Variants in DYRK2 observed in about 807,000 individuals in gnomAD.
DYRK2 encodes dual specificity tyrosine phosphorylation regulated kinase 2.
In DYRK2, 12 loss-of-function variants were observed where a neutral mutation model predicts 41.6. The ratio of observed to expected loss-of-function variants is 0.29; its 90% CI spans 0.18 to 0.47. The LOEUF (loss-of-function observed/expected upper bound fraction) is 0.47. Among genes scored for constraint, DYRK2 ranks in the 20% least tolerant of loss-of-function variants. DYRK2 has a pLI of 1.00. For missense variants in DYRK2, 678 were observed against 798.4 expected, an observed-to-expected ratio of 0.85 and a Z score of 1.82; for synonymous variants, 322 against 315.7, an observed-to-expected ratio of 1.02 and a Z score of -0.21.
chr12:67,659,005 C>G lies in DYRK2; in HGVS notation c.*292C>G. 1 of 274,366 alleles carries G rather than the reference C, an allele frequency of 3.6e-6. No homozygotes were observed. The highest frequency in any genetic ancestry group is 9.4e-5 in the South Asian group (1 of 10,686). The allele number at this position is 274,366 out of a possible 1,614,324, so 17.0% of individuals were successfully genotyped here. A position where few individuals can be genotyped will look rare whatever the true frequency, so the allele number is the denominator to read the frequency against. On this transcript the variant is annotated 3_prime_UTR_variant, in exon 3 of 3. Coordinates refer to ENST00000344096, the MANE Select transcript of DYRK2 (RefSeq NM_006482.3). Reference sequence around the variant, plus strand: ...AACATCAGTGGCAGGCCACTGATTACTTCATGACTGCCACGCATTTACAGA... The same window carrying G: ...AACATCAGTGGCAGGCCACTGATTAGTTCATGACTGCCACGCATTTACAGA...
At chr12:67,656,265 A>G (rs1270757317) in intron 2 of DYRK2, among the ~76,000 whole-genome samples, 3 of 152,214 alleles carry the variant, frequency 2.0e-5, no homozygotes, top group Non-Finnish European at 4.4e-5. Flanking sequence ...GATGGCATGC[A>G]TACCTGAAAC....
chr12:67,652,013 G>C lies in DYRK2; in HGVS notation c.198+2068G>C, dbSNP rs140932383. Among the ~76,000 whole-genome samples the C allele has an allele frequency of 2.1e-3, 319 of 152,120 alleles. 3 individuals carry two copies. Among genetic ancestry groups the C allele is most frequent in the African/African-American group, 7.3e-3 (304 of 41,492 alleles). ...TATAAATTTTTAGTTATTATTTCCA[G>C]AGTAATTACACCTAGGAAGAACTTC... is the stretch of plus-strand genomic sequence containing the variant. On this transcript the variant is annotated intron_variant, in intron 2 of 2. Coordinates refer to ENST00000344096, the MANE Select transcript of DYRK2 (RefSeq NM_006482.3).
rs562363674 is a variant in DYRK2, at chr12:67,662,492, C to T, written c.*3779C>T. 1 of 166,816 alleles carries T rather than the reference C, an allele frequency of 6.0e-6. No homozygotes were observed. The highest frequency in any genetic ancestry group is 6.5e-5 in the Admixed American group (1 of 15,278). 10.3% of individuals were successfully genotyped at this position (166,816 alleles called of 1,614,324 possible). ...AAAAATTTCTGTGAGATGCTGCTGTCGCCACTTAACATTAAATATGTTCTA... is the reference window on the plus strand; with the variant it reads ...AAAAATTTCTGTGAGATGCTGCTGTTGCCACTTAACATTAAATATGTTCTA... On this transcript the variant is annotated 3_prime_UTR_variant, in exon 3 of 3. Coordinates refer to ENST00000344096, the MANE Select transcript of DYRK2 (RefSeq NM_006482.3).
rs773029886 is a variant in DYRK2 at position 67,663,251 on chromosome 12, A to G, written c.*4538A>G. The G allele has an allele frequency of 2.0e-5, 3 of 152,198 alleles. No homozygotes were observed. The highest frequency in any genetic ancestry group is 2.1e-4 in the South Asian group (1 of 4,818). The allele number at this position is 152,198 out of a possible 1,614,324, so 9.4% of individuals were successfully genotyped here. ...CAGAAAATAAGGCCTAGGAACTGCA[A>G]TTAGCTCATGATTTGTCAAGTTCAG... On this transcript the variant is annotated 3_prime_UTR_variant, in exon 3 of 3. Transcript: ENST00000344096.
Position 67,665,207 on chromosome 12 carries a change from C to G in DYRK2, c.*6494C>G, listed in dbSNP as rs905021808. 9.2e-5 allele frequency: 14 copies of G among 152,088 alleles called. No homozygotes were observed. The highest frequency in any genetic ancestry group is 3.1e-4 in the African/African-American group (13 of 41,398). The allele number at this position is 152,088 out of a possible 1,614,324, so 9.4% of individuals were successfully genotyped here. A position where few individuals can be genotyped will look rare whatever the true frequency, so the allele number is the denominator to read the frequency against. ...CTTTTTATCCCAATTTATCTCCCCT[C>G]CTAAGTTTGAGGAGTTTTATATATT... is the stretch of plus-strand genomic sequence containing the variant. On this transcript the variant is annotated 3_prime_UTR_variant, in exon 3 of 3. Transcript: ENST00000344096.
chr12:67,651,623 G>A (rs10878641), intron 2 of DYRK2: 148,355 of 455,488 alleles, frequency 0.33, 26,204 homozygotes, highest in Admixed American at 0.43. Flanking sequence ...TGTAAACTTC[G>A]GTATGCTGTT....
chr12:67,655,670 A>G (rs571947218), intron 2 of DYRK2, among the ~76,000 whole-genome samples: 2 of 152,290 alleles, frequency 1.3e-5, no homozygotes, highest in East Asian at 3.9e-4. Context: ...TGTTTTAGTT[A>G]GAAGTGGGCA....
chr12:67,655,602 G>T (rs1446237520), intron 2 of DYRK2, among the ~76,000 whole-genome samples: 1 of 152,186 alleles, frequency 6.6e-6, no homozygotes, highest in Non-Finnish European at 1.5e-5. Context: ...TCTAAGAAAT[G>T]ATATCCCTGA....
Position 67,658,191 on chromosome 12 carries a change from G to C in DYRK2, c.1284G>C (p.Gly428=). The part of the protein sequence containing the change: ...GYPLLPGEDE[G]DQLACMIELL... ...CCCTCTTGCCTGGGGAAGATGAAGG[G>C]GACCAGCTGGCCTGTATGATTGAAC... Residue 428 remains glycine, a synonymous_variant, in exon 3 of 3, where the codon GGG becomes GGC. Transcript: ENST00000344096. The surrounding 1 kb of genome is among the most constrained non-coding windows in gnomAD (Gnocchi z 4.3). 6.2e-7 allele frequency: 1 copy of C among 1,614,164 alleles called. No homozygotes were observed. Among genetic ancestry groups the C allele is most frequent in the Non-Finnish European group, 8.5e-7 (1 of 1,180,028 alleles).
In DYRK2 at chr12:67,660,739, A is replaced by G. The variant is rs1872601044; in HGVS notation, c.*2026A>G. 6.0e-6 allele frequency: 1 copy of G among 167,088 alleles called. No homozygotes were observed. Among genetic ancestry groups the G allele is most frequent in the African/African-American group, 2.4e-5 (1 of 41,472 alleles). 10.4% of individuals were successfully genotyped at this position (167,088 alleles called of 1,614,324 possible). On this transcript the variant is annotated 3_prime_UTR_variant, in exon 3 of 3. Transcript: ENST00000344096. ...ATTTTGGCTTAAAGGCATGAGAAGT[A>G]TAAGACTTGGTTTGGTGGCTTTGTA...
chr12:67,657,093 G>T lies in DYRK2; in HGVS notation c.199-13G>T, dbSNP rs1444246060. The T allele has an allele frequency of 1.3e-6, 2 of 1,534,948 alleles. No homozygotes were observed. Among genetic ancestry groups the T allele is most frequent in the African/African-American group, 2.8e-5 (2 of 72,362 alleles). On this transcript the variant is annotated splice_polypyrimidine_tract_variant and intron_variant, in intron 2 of 2. Transcript: ENST00000344096. The surrounding 1 kb of genome is among the most constrained non-coding windows in gnomAD (Gnocchi z 4.8). Reference sequence around the variant, plus strand: ...CACTTCTTTTCTATTTATATTTCCTGTCTGAATTCCAGATTGGCGGCAGTA... The same window carrying T: ...CACTTCTTTTCTATTTATATTTCCTTTCTGAATTCCAGATTGGCGGCAGTA...
intron 1 of DYRK2, 59 bp from the exon 2 acceptor site, chr12:67,649,738 G>C: frequency 1.5e-6 from 2 of 1,298,736 alleles, no homozygotes; most frequent in South Asian, 3.3e-5. Flanking sequence ...TGGAGGGGGG[G>C]TCTGGGTGAC....
At position 67,664,022 on chromosome 12, in the gene DYRK2, TTTTTTTC is replaced by T. The variant is rs1397411435; in HGVS notation, c.*5312_*5318del. ...TGAGGAAGGTATATGTGGCTTTCTT[TTTTTTTC>T]TTAAGTTTGAATTACACTTGATTTC... On this transcript the variant is annotated 3_prime_UTR_variant, in exon 3 of 3. Transcript: ENST00000344096. 1 of 32,046 alleles carries T rather than the reference TTTTTTTC, an allele frequency of 3.1e-5. No individual in the cohort carries two copies. The highest frequency in any genetic ancestry group is 1.5e-3 in the East Asian group (1 of 686). 2.0% of individuals were successfully genotyped at this position (32,046 alleles called of 1,614,324 possible).
At chr12:67,649,586 C>T in intron 1 of DYRK2, 1 of 543,928 alleles carries the variant, frequency 1.8e-6, no homozygotes, top group East Asian at 3.6e-5. Context: ...ACTCGCGCGC[C>T]AGGGCCCCAC....
At position 67,658,236 on chromosome 12, in the gene DYRK2, G is replaced by A. The variant is rs772776286; in HGVS notation, c.1329G>A (p.Gln443=). Reference sequence around the variant, plus strand: ...TTGAACTGTTGGGCATGCCCTCACAGAAACTGCTGGATGCATCCAAACGAG... The same window carrying A: ...TTGAACTGTTGGGCATGCCCTCACAAAAACTGCTGGATGCATCCAAACGAG... The part of the protein sequence containing the change: ...CMIELLGMPS[Q]KLLDASKRAK... Residue 443 remains glutamine, a synonymous_variant, in exon 3 of 3, where the codon CAG becomes CAA. Transcript: ENST00000344096. This position sits in a 1 kb window ranked among gnomAD's most constrained non-coding sequence, Gnocchi z 4.3. The A allele has an allele frequency of 1.2e-6, 2 of 1,614,222 alleles. No individual in the cohort carries two copies. The highest frequency in any genetic ancestry group is 3.3e-5 in the Admixed American group (2 of 60,028).
intron 2 of DYRK2, among the ~76,000 whole-genome samples, chr12:67,653,530 G>T (rs889609575): frequency 6.6e-6 from 1 of 152,222 alleles, no homozygotes; most frequent in Non-Finnish European, 1.5e-5. Context: ...TGGTTTGATT[G>T]ATGTGTCTGC....
chr12:67,649,281 A>T, intron 1 of DYRK2, 99 bp downstream of exon 1: 1 of 1,006,018 alleles, frequency 9.9e-7, no homozygotes, highest in Non-Finnish European at 1.3e-6. Context: ...CCTCGAACAA[A>T]GTCGGCGGCG....
At chr12:67,654,746 G>A (rs908439300) in intron 2 of DYRK2, among the ~76,000 whole-genome samples, 1 of 152,190 alleles carries the variant, frequency 6.6e-6, no homozygotes, top group Admixed American at 6.5e-5. Flanking sequence ...TGGTTTGTTA[G>A]AAAAATCATG....
Position 67,661,938 on chromosome 12 carries a change from C to G in DYRK2, c.*3225C>G, listed in dbSNP as rs1872633591. The G allele has an allele frequency of 6.0e-6, 1 of 166,698 alleles. No homozygotes were observed. The highest frequency in any genetic ancestry group is 6.5e-5 in the Admixed American group (1 of 15,276). 10.3% of individuals were successfully genotyped at this position (166,698 alleles called of 1,614,324 possible). A position where few individuals can be genotyped will look rare whatever the true frequency, so the allele number is the denominator to read the frequency against. On this transcript the variant is annotated 3_prime_UTR_variant, in exon 3 of 3. Coordinates refer to ENST00000344096, the MANE Select transcript of DYRK2 (RefSeq NM_006482.3). ...GCATTCCTTTTATATGTGCCTGGCT[C>G]TAGTAAGGATGGCCAGGGATTTTTA... is the stretch of plus-strand genomic sequence containing the variant.
Sources: allele counts gnomAD v4.1 joint callset (sites outside exome capture counted in the v4.1 genomes callset), GRCh38; gene constraint gnomAD v4.1.1; non-coding constraint Gnocchi (gnomAD v3.1); transcripts MANE v1.5; gene names NCBI Gene and HGNC (gene_info 2026-07-23, HGNC 2026-07-21).